The following AP3B1 variants were observed in gnomAD, a reference collection of about 807,000 sequenced individuals.
The protein encoded by AP3B1 is AP-3 complex subunit beta-1.
Under a neutral mutation model 132.5 loss-of-function variants are expected in AP3B1, and 61 were observed. The observed-to-expected ratio is 0.46, with a 90% CI of 0.37 to 0.57. The LOEUF (loss-of-function observed/expected upper bound fraction) is 0.57. Among genes scored for constraint, AP3B1 ranks in the 20% least tolerant of loss-of-function variants. AP3B1 has a pLI of 0.00. For missense variants in AP3B1, 1,120 were observed against 1,289.4 expected (o/e 0.87, Z 2.01); for synonymous variants, 388 against 438.3 (o/e 0.89, Z 1.43).
chr5:78,260,586 T>C (rs893841608), intron 2 of AP3B1, among the ~76,000 whole-genome samples: 4 of 150,972 alleles, frequency 2.6e-5, no homozygotes, highest in African/African-American at 9.8e-5. Flanking sequence ...GGAGCGAGAC[T>C]CCATCTCAAA....
intron 1 of AP3B1, among the ~76,000 whole-genome samples, chr5:78,289,939 G>C (rs1749441385): frequency 6.6e-6 from 1 of 152,044 alleles, no homozygotes; most frequent in African/African-American, 2.4e-5. Context: ...TACATACTCT[G>C]CCTAAAGAAT....
At chr5:78,165,704 T>TA in intron 11 of AP3B1, 32 bp from the exon 12 acceptor site, 1 of 1,422,228 alleles carries the variant, frequency 7.0e-7, no homozygotes, top group Non-Finnish European at 9.9e-7. Flanking sequence ...GTAAACATTT[T>TA]AAAACAAAGG....
intron 20 of AP3B1, among the ~76,000 whole-genome samples, chr5:78,103,551 TGAGAA>T (rs1337100920): frequency 6.6e-6 from 1 of 152,176 alleles, no homozygotes; most frequent in East Asian, 1.9e-4. Flanking sequence ...TGTTAGTACT[TGAGAA>T]GAGATCAGGC....
intron 7 of AP3B1, among the ~76,000 whole-genome samples, chr5:78,201,362 A>G (rs934327482): frequency 2.0e-5 from 3 of 152,214 alleles, no homozygotes; most frequent in African/African-American, 7.2e-5. Context: ...TTCCTAACAG[A>G]TTTATTACAA....
At chr5:78,207,426 CA>C (rs1561477497) in intron 7 of AP3B1, among the ~76,000 whole-genome samples, 1 of 149,636 alleles carries the variant, frequency 6.7e-6, no homozygotes, top group Non-Finnish European at 1.5e-5. Context: ...GATCCTGTCT[CA>C]AAAAAAAGAA....
intron 1 of AP3B1, among the ~76,000 whole-genome samples, chr5:78,283,134 T>C (rs1314185487): frequency 6.6e-6 from 1 of 152,232 alleles, no homozygotes; most frequent in Non-Finnish European, 1.5e-5. Context: ...TCCTCACAAC[T>C]AGTCAATGAG....
intron 22 of AP3B1, among the ~76,000 whole-genome samples, chr5:78,063,453 A>C (rs1251595824): frequency 6.6e-6 from 1 of 152,198 alleles, no homozygotes; most frequent in African/African-American, 2.4e-5. Context: ...CAATTGACAA[A>C]ATGTAAACTC....
At chr5:78,190,573 T>C (rs1302953130) in intron 7 of AP3B1, among the ~76,000 whole-genome samples, 1 of 152,182 alleles carries the variant, frequency 6.6e-6, no homozygotes, top group Non-Finnish European at 1.5e-5. Context: ...TATGGGTGTA[T>C]CTGGACACAC....
At chr5:78,124,429 G>C (rs182440392) in intron 17 of AP3B1, among the ~76,000 whole-genome samples, 1 of 152,236 alleles carries the variant, frequency 6.6e-6, no homozygotes, top group Admixed American at 6.5e-5. Flanking sequence ...ACTAGTCTAA[G>C]GCTGGGTGAT....
At chr5:78,123,146 G>A (rs1199207529) in intron 17 of AP3B1, among the ~76,000 whole-genome samples, 1 of 152,256 alleles carries the variant, frequency 6.6e-6, no homozygotes, top group Non-Finnish European at 1.5e-5. Context: ...CTAGCCAGAT[G>A]TAGAAAGCTG....
chr5:78,091,739 G>C (rs1750526331), intron 21 of AP3B1, among the ~76,000 whole-genome samples: 1 of 152,206 alleles, frequency 6.6e-6, no homozygotes, highest in Non-Finnish European at 1.5e-5. Context: ...TATAGACCAA[G>C]GGGAACAGTC....
intron 22 of AP3B1, among the ~76,000 whole-genome samples, chr5:78,055,985 A>G (rs1748796644): frequency 6.6e-6 from 1 of 152,132 alleles, no homozygotes; most frequent in Admixed American, 6.5e-5. Flanking sequence ...CCTTGAGACA[A>G]TATTTTACAC....
In AP3B1 at chr5:78,116,180, ACTT is replaced by A; in HGVS notation, c.2020_2022del (p.Lys674del). 6.2e-7 allele frequency: 1 copy of A among 1,613,880 alleles called. No individual in the cohort carries two copies. On this transcript the variant is annotated inframe_deletion, in exon 18 of 27. Coordinates refer to ENST00000255194, the MANE Select transcript of AP3B1 (RefSeq NM_003664.5). Reference sequence around the variant, plus strand: ...TCCTCTTCCTCAGATTCAGAATAAAACTTCTTAGCAGAATTCTCTTGCTTTGCT... The same window carrying A: ...TCCTCTTCCTCAGATTCAGAATAAAACTTAGCAGAATTCTCTTGCTTTGCT...
chr5:78,043,891 G>T, intron 22 of AP3B1: 1 of 350,410 alleles, frequency 2.9e-6, no homozygotes, highest in South Asian at 2.8e-5. Flanking sequence ...CTCCTAATTT[G>T]GGAACCATTA....
At chr5:78,079,783 C>T (rs1283514615) in intron 22 of AP3B1, among the ~76,000 whole-genome samples, 2 of 152,156 alleles carry the variant, frequency 1.3e-5, no homozygotes, top group Non-Finnish European at 2.9e-5. Context: ...CATCGAGCAT[C>T]ATGAGTAAAA....
chr5:78,101,135 C>A (rs756829599), intron 20 of AP3B1, 110 bp from the exon 21 acceptor site: 8 of 636,710 alleles, frequency 1.3e-5, no homozygotes, highest in African/African-American at 5.5e-5. Context: ...GTGGTACCAA[C>A]AAATTAAACT....
intron 21 of AP3B1, among the ~76,000 whole-genome samples, chr5:78,097,061 T>A (rs4703749): frequency 2.9e-5 from 1 of 34,292 alleles, no homozygotes; most frequent in African/African-American, 1.5e-4. Flanking sequence ...GGAGGGAGGT[T>A]GGGGGGTCAG....
At chr5:78,006,632 C>G (rs901950082) in intron 26 of AP3B1, among the ~76,000 whole-genome samples, 2 of 152,198 alleles carry the variant, frequency 1.3e-5, no homozygotes, top group Admixed American at 1.3e-4. Context: ...GGAGACCAAT[C>G]AACCTCGAAA....
intron 24 of AP3B1, among the ~76,000 whole-genome samples, chr5:78,024,414 G>A (rs757064000): frequency 6.6e-6 from 1 of 151,864 alleles, no homozygotes; most frequent in South Asian, 2.1e-4. Flanking sequence ...TGGGAGACAG[G>A]GTCTCAGCTC....
Sources: gnomAD v4.1 joint callset for allele counts (sites outside exome capture counted in the v4.1 genomes callset) on GRCh38, gnomAD v4.1.1 for gene constraint, MANE v1.5 for transcripts, NCBI Gene and HGNC (gene_info 2026-07-23, HGNC 2026-07-21) for gene names.